The following PIGG variants were observed in gnomAD, a reference collection of about 807,000 sequenced individuals.
PIGG encodes the protein phosphatidylinositol glycan anchor biosynthesis class G (EMM blood group).
A neutral mutation model predicts 83.2 loss-of-function variants in PIGG; 70 were observed. That is an observed-to-expected ratio of 0.84 (90% CI 0.69 to 1.03). The LOEUF is 1.03. PIGG is among the 50% of genes least tolerant of loss of function. The pLI, the probability that PIGG is intolerant of heterozygous loss-of-function variation, is 0.00. For synonymous variants in PIGG, 532 were observed against 519.5 expected, an observed-to-expected ratio of 1.02 and a Z score of -0.33; for missense variants, 1,257 against 1,233.6, an observed-to-expected ratio of 1.02 and a Z score of -0.28.
chr4:522,144 A>G, intron 8 of PIGG: 1 of 633,094 alleles, frequency 1.6e-6, no homozygotes, highest in South Asian at 1.8e-5. Context: ...ACAGGTGTTC[A>G]CATCTGTGCT....
intron 9 of PIGG, chr4:525,394 G>A: frequency 4.1e-6 from 4 of 983,106 alleles, no homozygotes; most frequent in Non-Finnish European, 3.6e-6. Context: ...GAGCATCTGC[G>A]GCGAGAGTAA....
In PIGG at chr4:500,469, G is replaced by A; in HGVS notation, c.228G>A (p.Leu76=). The A allele has an allele frequency of 6.2e-7, 1 of 1,613,762 alleles. No individual in the cohort carries two copies. The highest frequency in any genetic ancestry group is 8.5e-7 in the Non-Finnish European group (1 of 1,179,682). The change falls in exon 2 of 13, where the codon TTG becomes TTA. Residue 76 remains leucine, a synonymous_variant. Transcript: ENST00000453061. ...SKVVIVLIDA[L]RDDFVFGSKG... ...TTGTTATTGTTCTGATAGATGCCTT[G>A]AGAGATGATTTTGTGTTTGGGTCAA... is the stretch of plus-strand genomic sequence containing the variant.
intron 12 of PIGG, among the ~76,000 whole-genome samples, chr4:534,347 T>G (rs1729843608): frequency 6.6e-6 from 1 of 152,204 alleles, no homozygotes; most frequent in Non-Finnish European, 1.5e-5. Flanking sequence ...GGGCGGGTCG[T>G]CCTTCCCCTT....
At chr4:508,054 T>C (rs145406242) in intron 4 of PIGG, among the ~76,000 whole-genome samples, 1 of 152,362 alleles carries the variant, frequency 6.6e-6, no homozygotes, top group African/African-American at 2.4e-5. Context: ...CTGTTCTATG[T>C]CACTTTTTGT....
chr4:509,799 C>T (rs527392011), intron 5 of PIGG, among the ~76,000 whole-genome samples: 2 of 152,316 alleles, frequency 1.3e-5, no homozygotes, highest in African/African-American at 4.8e-5. Context: ...TCTCATCTGC[C>T]TCTGTGGTTG....
rs138983583 is a variant in PIGG, at chr4:500,406, T to A, written c.165T>A (p.Ser55=). The stretch of plus-strand genomic sequence containing the variant: ...CTTTCAAACACTTAGGAGCCAGTTC[T>A]AACTGGACCACGCTGCCACCACCTC... ...PAPEPSAGAS[S]NWTTLPPPLF... The change falls in exon 2 of 13, where the codon TCT becomes TCA. Residue 55 remains serine (S), a synonymous_variant. Coordinates refer to ENST00000453061, the MANE Select transcript of PIGG (RefSeq NM_001127178.3). 43 of 1,613,078 alleles carry A rather than the reference T, an allele frequency of 2.7e-5. No individual in the cohort carries two copies. Among genetic ancestry groups the A allele is most frequent in the Admixed American group, 3.3e-5 (2 of 60,004 alleles).
In PIGG at chr4:530,474, T is replaced by C; in HGVS notation, c.2300T>C (p.Leu767Pro). The change falls in exon 11 of 13, where the codon CTT becomes CCT. Residue 767 changes from leucine (L) to proline (P), a missense_variant. By Grantham distance (98) the Leu-to-Pro change is moderately conservative. Transcript: ENST00000453061. ...IEARFVYVFV[L>P]GILFTGTKDL... The stretch of plus-strand genomic sequence containing the variant: ...GCTCGTTTTGTTTATGTCTTTGTCC[T>C]TGGCATTCTGTTCACGGGCACCAAA... The C allele has an allele frequency of 6.2e-7, 1 of 1,613,978 alleles. No homozygotes were observed. Among genetic ancestry groups the C allele is most frequent in the Non-Finnish European group, 8.5e-7 (1 of 1,179,816 alleles).
At chr4:535,013 C>T (rs1159375213) in intron 12 of PIGG, among the ~76,000 whole-genome samples, 1 of 152,252 alleles carries the variant, frequency 6.6e-6, no homozygotes, top group South Asian at 2.1e-4. Context: ...CCGCCGCACA[C>T]TCTCTGCTTC....
chr4:500,131 G>T, intron 1 of PIGG: 1 of 442,212 alleles, frequency 2.3e-6, no homozygotes, highest in East Asian at 4.1e-5. Flanking sequence ...GGACCCTTAC[G>T]TAGGGATTCT....
rs368969609 is a variant in PIGG, at chr4:523,264, A to C, written c.1615-195A>C. Among the ~76,000 whole-genome samples the C allele has an allele frequency of 8.5e-5, 13 of 152,306 alleles. No homozygotes were observed. In the South Asian group the frequency reaches 1.9e-3, roughly 22 times the overall value. ...GGGCTGAGGGCGTCTCCACTCCTGC[A>C]GGCTGCGTCCCAAGAGGAAGGTTCC... On this transcript the variant is annotated intron_variant, in intron 8 of 12. Coordinates refer to ENST00000453061, the MANE Select transcript of PIGG (RefSeq NM_001127178.3).
chr4:534,446 G>A (rs894623537), intron 12 of PIGG, among the ~76,000 whole-genome samples: 2 of 151,200 alleles, frequency 1.3e-5, no homozygotes, highest in Non-Finnish European at 1.5e-5. Context: ...GGCCAGGGCC[G>A]TGGCTCTTCT....
intron 10 of PIGG, chr4:527,530 A>T: frequency 8.9e-7 from 1 of 1,129,936 alleles, no homozygotes; most frequent in Non-Finnish European, 1.1e-6. Flanking sequence ...AGGGTGTGTG[A>T]TGGGACAGAC....
rs781786642 is a variant in PIGG, at chr4:512,216, CTT to C, written c.901+3266_901+3267del. 2.7e-3 allele frequency among the ~76,000 whole-genome samples: 304 copies of C among 114,276 alleles called. 2 individuals carry two copies. Among genetic ancestry groups the C allele is most frequent in the Middle Eastern group, 0.01 (2 of 196 alleles). The allele number at this position is 114,276 out of a possible 152,430, so 75.0% of individuals were successfully genotyped here. A position where few individuals can be genotyped will look rare whatever the true frequency, so the allele number is the denominator to read the frequency against. On this transcript the variant is annotated intron_variant, in intron 5 of 12. Coordinates refer to ENST00000453061, the MANE Select transcript of PIGG (RefSeq NM_001127178.3). ...TGAATTTTCTGTTTCAGTTATCATA[CTT>C]TTTTTTTTTTTTTTTTTTTGAGATG...
In PIGG at chr4:539,460, CT is replaced by C; in HGVS notation, c.*94del. The C allele has an allele frequency of 1.7e-5, 12 of 722,592 alleles. No homozygotes were observed. The highest frequency in any genetic ancestry group is 2.3e-5 in the Non-Finnish European group (10 of 428,494). The allele number at this position is 722,592 out of a possible 1,614,324, so 44.8% of individuals were successfully genotyped here. On this transcript the variant is annotated 3_prime_UTR_variant, in exon 13 of 13. Transcript: ENST00000453061. The stretch of plus-strand genomic sequence containing the variant: ...TGAATTCAACAAAGTTGATGGATAA[CT>C]TTCTTTGACTGCTCTACCTGAATTT...
chr4:515,477 A>G lies in PIGG; in HGVS notation c.902-496A>G, dbSNP rs1723523823. Among the ~76,000 whole-genome samples the G allele has an allele frequency of 6.6e-6, 1 of 152,206 alleles. No homozygotes were observed. The highest frequency in any genetic ancestry group is 6.5e-5 in the Admixed American group (1 of 15,286). ...CCTGCCTCATTCTGCGCTCCCCTATAGAAGCACCCACAGCTGCCCAGGAGC... is the reference window on the plus strand; with the variant it reads ...CCTGCCTCATTCTGCGCTCCCCTATGGAAGCACCCACAGCTGCCCAGGAGC... On this transcript the variant is annotated intron_variant, in intron 5 of 12. Coordinates refer to ENST00000453061, the MANE Select transcript of PIGG (RefSeq NM_001127178.3). The surrounding 1 kb of genome is among the most constrained non-coding windows in gnomAD (Gnocchi z 4.2).
rs1553873871 is a variant in PIGG, at chr4:499,302, G to A, written c.-34G>A. 1.3e-6 allele frequency: 2 copies of A among 1,597,918 alleles called. No individual in the cohort carries two copies. The highest frequency in any genetic ancestry group is 2.2e-5 in the East Asian group (1 of 44,574). On this transcript the variant is annotated 5_prime_UTR_variant, in exon 1 of 13. Transcript: ENST00000453061. ...CTGCAGCAGGGCGAGGCTCCAGGTG[G>A]GGTCGGTTCCGCATCCAGCCTAGCG... is the stretch of plus-strand genomic sequence containing the variant.
Position 530,688 on chromosome 4 carries a change from T to A in PIGG, c.2514T>A (p.Asp838Glu). Residue 838 changes from aspartate to glutamate, a missense_variant, in exon 11 of 13, where the codon GAT (aspartate) becomes GAA (glutamate). Asp to Glu is a conservative substitution (Grantham distance 45). Transcript: ENST00000453061. Reference protein sequence around the residue: ...TKFIWKPLRHDAAEITVMHYW... With the variant: ...TKFIWKPLRHEAAEITVMHYW... Reference sequence around the variant, plus strand: ...TCATCTGGAAGCCCCTGAGACACGATGCAGCTGAGATTACTGTGATGCATT... The same window carrying A: ...TCATCTGGAAGCCCCTGAGACACGAAGCAGCTGAGATTACTGTGATGCATT... 6.2e-7 allele frequency: 1 copy of A among 1,614,028 alleles called. No individual in the cohort carries two copies. The highest frequency in any genetic ancestry group is 8.5e-7 in the Non-Finnish European group (1 of 1,179,862).
chr4:508,993 A>G lies in PIGG; in HGVS notation c.901+23A>G, dbSNP rs1192415099. Reference sequence around the variant, plus strand: ...CCGGTGAGAATTTAGGAATGTTAACAGTTGGAAATTGTATTACATTTGTTT... The same window carrying G: ...CCGGTGAGAATTTAGGAATGTTAACGGTTGGAAATTGTATTACATTTGTTT... On this transcript the variant is annotated intron_variant, in intron 5 of 12. Coordinates refer to ENST00000453061, the MANE Select transcript of PIGG (RefSeq NM_001127178.3). 1.9e-6 allele frequency: 3 copies of G among 1,591,730 alleles called. No individual in the cohort carries two copies. The African/African-American group carries it at 4.0e-5, about 21-fold the overall frequency.
rs2109005036 is a variant in PIGG at position 528,718 on chromosome 4, C to G, written c.2261+1488C>G. The G allele has an allele frequency of 1.0e-6, 1 of 985,308 alleles. No homozygotes were observed. The highest frequency in any genetic ancestry group is 5.2e-4 in the Middle Eastern group (1 of 1,914). The allele number at this position is 985,308 out of a possible 1,614,324, so 61.0% of individuals were successfully genotyped here. On this transcript the variant is annotated intron_variant, in intron 10 of 12. Coordinates refer to ENST00000453061, the MANE Select transcript of PIGG (RefSeq NM_001127178.3). The surrounding 1 kb of genome is among the most constrained non-coding windows in gnomAD (Gnocchi z 4.8). ...GCGTATGAATAAATTCATTTCCTCA[C>G]AGATCTATACACTGAATTTCAGCAT...
Sources: allele counts gnomAD v4.1 joint callset (sites outside exome capture counted in the v4.1 genomes callset), GRCh38; gene constraint gnomAD v4.1.1; non-coding constraint Gnocchi (gnomAD v3.1); transcripts MANE v1.5; gene names NCBI Gene and HGNC (gene_info 2026-07-23, HGNC 2026-07-21).